The following ERMAP variants were observed in gnomAD, a reference collection of about 807,000 sequenced individuals.
ERMAP encodes the protein erythroid membrane-associated protein.
ERMAP carries 34 observed loss-of-function variants against 49.5 expected under a neutral mutation model. That is an observed-to-expected ratio of 0.69 (90% CI 0.52 to 0.91). ERMAP has a LOEUF of 0.91. ERMAP is among the 40% of genes least tolerant of loss of function. The probability of loss-of-function intolerance (pLI) is 0.00; values close to 1 mark genes in which losing one functional copy is unlikely to be tolerated. For synonymous variants in ERMAP, 214 were observed against 232.2 expected, an observed-to-expected ratio of 0.92 and a Z score of 0.71; for missense variants, 541 against 582.6, an observed-to-expected ratio of 0.93 and a Z score of 0.74.
intron 1 of ERMAP, among the ~76,000 whole-genome samples, chr1:42,824,964 G>C (rs1000763119): frequency 6.6e-6 from 1 of 152,220 alleles, no homozygotes; most frequent in Non-Finnish European, 1.5e-5. Flanking sequence ...GGGCTGAGGG[G>C]ACATGGTGTG....
At chr1:42,836,314 G>T (rs938995709) in intron 6 of ERMAP, among the ~76,000 whole-genome samples, 1 of 152,218 alleles carries the variant, frequency 6.6e-6, no homozygotes, top group Non-Finnish European at 1.5e-5. Flanking sequence ...TAGAAGTCAT[G>T]AGTGAAGAGG....
At chr1:42,825,804 T>C (rs1432077022) in intron 2 of ERMAP, 66 bp downstream of exon 2, 1 of 1,284,840 alleles carries the variant, frequency 7.8e-7, no homozygotes, top group African/African-American at 1.5e-5. Context: ...TCAGGTTTAG[T>C]AGAGAAATAA....
At position 42,830,878 on chromosome 1, in the gene ERMAP, C is replaced by T. The variant is rs749437755; in HGVS notation, c.196C>T (p.Leu66=). Residue 66 remains leucine (L), a synonymous_variant, in exon 4 of 12, where the codon CTG becomes TTG. Transcript: ENST00000372517. ...GACGGTACCCAAGGAGGTGAGGTGG[C>T]TGCGGTCCCCATTCCCGCAGCGCTC... ...PGTVPKEVRW[L]RSPFPQRSQA... 9 of 1,612,918 alleles carry T rather than the reference C, an allele frequency of 5.6e-6. No homozygotes were observed. The highest frequency in any genetic ancestry group is 7.6e-6 in the Non-Finnish European group (9 of 1,179,528).
intron 1 of ERMAP, among the ~76,000 whole-genome samples, chr1:42,818,613 A>G (rs551349645): frequency 2.6e-5 from 4 of 152,160 alleles, no homozygotes; most frequent in African/African-American, 9.7e-5. Flanking sequence ...GACTACAGGC[A>G]CACACCATCA....
chr1:42,828,698 A>C (rs546729731), intron 2 of ERMAP, among the ~76,000 whole-genome samples: 2 of 152,076 alleles, frequency 1.3e-5, no homozygotes, highest in African/African-American at 4.8e-5. Context: ...GAGTCTCACT[A>C]TGTTGCCCAG....
At chr1:42,838,262 T>G (rs1245531433) in intron 7 of ERMAP, among the ~76,000 whole-genome samples, 3 of 152,202 alleles carry the variant, frequency 2.0e-5, no homozygotes, top group Non-Finnish European at 4.4e-5. Flanking sequence ...ATTGCTCCAA[T>G]GCCTAATGCC....
rs1471664686 is a variant in ERMAP, at chr1:42,840,174, C to T, written c.681C>T (p.Asn227=). The change falls in exon 10 of 12, where the codon AAC becomes AAT. Residue 227 remains asparagine (N), a synonymous_variant. Transcript: ENST00000372517. ...TAGAGTTGAAAAGAGCTGCAGCAAA[C>T]TCAGGTGAGATGCACTTTCTCCACA... The part of the protein sequence containing the change: ...SELKLKRAAA[N]SGWRRARLHF... The T allele has an allele frequency of 1.9e-6, 3 of 1,614,192 alleles. No individual in the cohort carries two copies. The highest frequency in any genetic ancestry group is 2.5e-6 in the Non-Finnish European group (3 of 1,180,030).
At chr1:42,821,234 G>C (rs1283554283) in intron 1 of ERMAP, among the ~76,000 whole-genome samples, 9 of 152,084 alleles carry the variant, frequency 5.9e-5, no homozygotes, top group Admixed American at 1.3e-4. Flanking sequence ...CTCCAAGATT[G>C]TCATTTTAGA....
At position 42,844,571 on chromosome 1, in the gene ERMAP, A is replaced by G. The variant is rs1655160373; in HGVS notation, c.*1339A>G. ...GGATAAGTCAGCAAGATGGAGTCCC[A>G]TGAGAGCTGATGGTTTAGTTCCAGT... On this transcript the variant is annotated 3_prime_UTR_variant, in exon 12 of 12. Transcript: ENST00000372517. The surrounding 1 kb of genome is among the most constrained non-coding windows in gnomAD (Gnocchi z 4.0). 6.5e-6 allele frequency: 1 copy of G among 153,430 alleles called. No homozygotes were observed. Among genetic ancestry groups the G allele is most frequent in the South Asian group, 2.1e-4 (1 of 4,844 alleles). 9.5% of individuals were successfully genotyped at this position (153,430 alleles called of 1,614,324 possible).
intron 1 of ERMAP, 193 bp downstream of exon 1, chr1:42,817,446 G>A: frequency 4.8e-6 from 1 of 209,242 alleles, no homozygotes; most frequent in East Asian, 1.8e-4. Flanking sequence ...GCAAGCCGGT[G>A]CCGGGGCGGG....
rs965885065 is a variant in ERMAP, at chr1:42,825,725, T to G, written c.-19T>G. On this transcript the variant is annotated 5_prime_UTR_variant, in exon 2 of 12. It removes the in-frame stop codon of an upstream open reading frame in the 5' UTR. Coordinates refer to ENST00000372517, the MANE Select transcript of ERMAP (RefSeq NM_001017922.2). ...TGCCTGTGAGAGGAACAAGCGTCCCTGATCCAGAAGGTGGTGAGTCCTCCT... is the reference window on the plus strand; with the variant it reads ...TGCCTGTGAGAGGAACAAGCGTCCCGGATCCAGAAGGTGGTGAGTCCTCCT... 16 of 1,289,308 alleles carry G rather than the reference T, an allele frequency of 1.2e-5. No homozygotes were observed. The highest frequency in any genetic ancestry group is 1.5e-5 in the African/African-American group (1 of 65,876). 79.9% of individuals were successfully genotyped at this position (1,289,308 alleles called of 1,614,324 possible).
chr1:42,842,526 C>A lies in ERMAP; in HGVS notation c.722C>A (p.Thr241Asn). ...CTGTGTCTCTTTGCAGTGGCAGTGA[C>A]CCTGGACCCAGACACAGCACATCCC... ...RRARLHFVAV[T>N]LDPDTAHPKL... The change falls in exon 12 of 12, where the codon ACC becomes AAC. Residue 241 changes from threonine (T) to asparagine (N), a missense_variant. Coordinates refer to ENST00000372517, the MANE Select transcript of ERMAP (RefSeq NM_001017922.2). 1 of 1,612,552 alleles carries A rather than the reference C, an allele frequency of 6.2e-7. No homozygotes were observed. Among genetic ancestry groups the A allele is most frequent in the Non-Finnish European group, 8.5e-7 (1 of 1,179,174 alleles).
At position 42,844,305 on chromosome 1, in the gene ERMAP, C is replaced by T. The variant is rs1655152461; in HGVS notation, c.*1073C>T. The T allele has an allele frequency of 1.5e-5, 6 of 394,340 alleles. No individual in the cohort carries two copies. Among genetic ancestry groups the T allele is most frequent in the Non-Finnish European group, 2.7e-5 (6 of 223,976 alleles). 24.4% of individuals were successfully genotyped at this position (394,340 alleles called of 1,614,324 possible). On this transcript the variant is annotated 3_prime_UTR_variant, in exon 12 of 12. Coordinates refer to ENST00000372517, the MANE Select transcript of ERMAP (RefSeq NM_001017922.2). The surrounding 1 kb of genome is among the most constrained non-coding windows in gnomAD (Gnocchi z 4.0). ...TGCAGAAGCCTCGTCGCTTTCAAGT[C>T]ACATCATATATGCGATCTGGCCTAA...
In ERMAP at chr1:42,835,057, C is replaced by G. The variant is rs942294453; in HGVS notation, c.453C>G (p.Leu151=). Residue 151 remains leucine, a synonymous_variant, in exon 5 of 12, where the codon CTC becomes CTG. Coordinates refer to ENST00000372517, the MANE Select transcript of ERMAP (RefSeq NM_001017922.2). ...LQVAAPSVGS[L]SPSAVALAVI... ...TTTCAGCCCCATCTGTGGGGAGTCTCTCCCCCTCAGCAGTGGCTCTGGCTG... is the reference window on the plus strand; with the variant it reads ...TTTCAGCCCCATCTGTGGGGAGTCTGTCCCCCTCAGCAGTGGCTCTGGCTG... 2.0e-6 allele frequency: 3 copies of G among 1,496,832 alleles called. No homozygotes were observed. Among genetic ancestry groups the G allele is most frequent in the Non-Finnish European group, 2.8e-6 (3 of 1,072,764 alleles). The allele number at this position is 1,496,832 out of a possible 1,614,324, so 92.7% of individuals were successfully genotyped here.
In ERMAP at chr1:42,837,196, G is replaced by A. The variant is rs1654927230; in HGVS notation, c.616+6G>A. ...AGACCATGCTAAAGAAAAAGGTAAT[G>A]ATATAAAAGAGTAAGGGGTAGGGAA... On this transcript the variant is annotated splice_donor_region_variant and intron_variant, in intron 7 of 11. Transcript: ENST00000372517. The A allele has an allele frequency of 1.2e-6, 2 of 1,613,348 alleles. No individual in the cohort carries two copies. Among genetic ancestry groups the A allele is most frequent in the Non-Finnish European group, 1.7e-6 (2 of 1,179,400 alleles).
At chr1:42,842,391 A>G in intron 11 of ERMAP, 126 bp from the exon 12 acceptor site, 1 of 760,468 alleles carries the variant, frequency 1.3e-6, no homozygotes, top group Non-Finnish European at 2.1e-6. Flanking sequence ...TGGGGGCGGG[A>G]ATCCATGAAC....
chr1:42,842,837 C>T lies in ERMAP; in HGVS notation c.1033C>T (p.Pro345Ser), dbSNP rs551410449. 1.1e-5 allele frequency: 18 copies of T among 1,614,180 alleles called. No individual in the cohort carries two copies. The highest frequency in any genetic ancestry group is 3.3e-4 in the Middle Eastern group (2 of 6,062). Residue 345 changes from proline to serine, a missense_variant, in exon 12 of 12, where the codon CCG becomes TCG. Physicochemically the swap from Pro to Ser is moderately conservative, Grantham distance 74. Coordinates refer to ENST00000372517, the MANE Select transcript of ERMAP (RefSeq NM_001017922.2). ...RGNEYEALTS[P>S]QTSFRLKEPP... ...GAATGAGTATGAAGCTCTCACATCC[C>T]CGCAGACCTCCTTCCGCCTTAAAGA...
Position 42,830,827 on chromosome 1 carries a change from C to T in ERMAP, c.145C>T (p.Leu49Phe), listed in dbSNP as rs767315853. The change falls in exon 4 of 12, where the codon CTC (leucine) becomes TTC (phenylalanine). Residue 49 changes from leucine to phenylalanine, a missense_variant. Coordinates refer to ENST00000372517, the MANE Select transcript of ERMAP (RefSeq NM_001017922.2). ...CCTACTAGGGGGCACAGCCGAGCTGCTCTGCCCTCTCTCCCTCTGGCCCGG... is the reference window on the plus strand; with the variant it reads ...CCTACTAGGGGGCACAGCCGAGCTGTTCTGCCCTCTCTCCCTCTGGCCCGG... ...VALLGGTAEL[L>F]CPLSLWPGTV... 6.3e-7 allele frequency: 1 copy of T among 1,594,734 alleles called. No individual in the cohort carries two copies. Among genetic ancestry groups the T allele is most frequent in the Non-Finnish European group, 8.5e-7 (1 of 1,170,882 alleles).
rs145113385 is a variant in ERMAP at position 42,819,170 on chromosome 1, C to CGTGTGTGTGTGTGTGTGT, written c.-122+1937_-122+1954dup. On this transcript the variant is annotated intron_variant, in intron 1 of 11. Coordinates refer to ENST00000372517, the MANE Select transcript of ERMAP (RefSeq NM_001017922.2). This position sits in a 1 kb window ranked among gnomAD's most constrained non-coding sequence, Gnocchi z 5.1. Reference sequence around the variant, plus strand: ...GGTGAGGAAGAGGATAAGTTAGGAGCGTGTGTGTGTGTGTGTGTGTGTGTG... The same window carrying CGTGTGTGTGTGTGTGTGT: ...GGTGAGGAAGAGGATAAGTTAGGAGCGTGTGTGTGTGTGTGTGTGTGTGTGTGTGTGTGTGTGTGTGTG... Among the ~76,000 whole-genome samples, 2 of 142,448 alleles carry CGTGTGTGTGTGTGTGTGT rather than the reference C, an allele frequency of 1.4e-5. No individual in the cohort carries two copies. The highest frequency in any genetic ancestry group is 5.2e-5 in the African/African-American group (2 of 38,608). 93.5% of individuals were successfully genotyped at this position (142,448 alleles called of 152,430 possible). A position where few individuals can be genotyped will look rare whatever the true frequency, so the allele number is the denominator to read the frequency against.
Sources: allele counts gnomAD v4.1 joint callset (sites outside exome capture counted in the v4.1 genomes callset), GRCh38; gene constraint gnomAD v4.1.1; non-coding constraint Gnocchi (gnomAD v3.1); transcripts MANE v1.5; gene names NCBI Gene and HGNC (gene_info 2026-07-23, HGNC 2026-07-21).